The following AQP9 variants were observed in gnomAD, a reference collection of about 807,000 sequenced individuals.
AQP9 encodes the protein aquaporin 9.
In AQP9, 19 loss-of-function variants were observed where a neutral mutation model predicts 23.8. The ratio of observed to expected loss-of-function variants is 0.80; its 90% confidence interval spans 0.56 to 1.17. AQP9 has a LOEUF of 1.17. Ranked by LOEUF, AQP9 falls within the 50% of genes most tolerant of loss-of-function variation. AQP9 has a pLI of 0.00. For synonymous variants in AQP9, 153 were observed against 131.5 expected (o/e 1.16, Z -1.12); for missense variants, 413 against 362.0 (o/e 1.14, Z -1.14).
chr15:58,179,780 G>C (rs16939881), intron 5 of AQP9, among the ~76,000 whole-genome samples: 3,783 of 152,192 alleles, frequency 0.025, 267 homozygotes, highest in Admixed American at 0.15. Flanking sequence ...ACAGATATTT[G>C]TTGGGCATTA....
At chr15:58,183,103 A>G (rs1296505713) in intron 5 of AQP9, among the ~76,000 whole-genome samples, 2 of 152,222 alleles carry the variant, frequency 1.3e-5, no homozygotes, top group African/African-American at 2.4e-5. Flanking sequence ...AAATTCTTAC[A>G]TGCCTCTGGG....
rs1239266549 is a variant in AQP9, at chr15:58,173,224, T to C, written c.376+19T>C. On this transcript the variant is annotated intron_variant, in intron 3 of 5. Transcript: ENST00000219919. ...TACTATGGTGAGTAAAGTCCCTGAG[T>C]CCTAAGGTTAGGAAGAGCTGGGCAT... is the stretch of plus-strand genomic sequence containing the variant. 9.3e-6 allele frequency: 15 copies of C among 1,613,614 alleles called. No homozygotes were observed. Among genetic ancestry groups the C allele is most frequent in the Non-Finnish European group, 1.0e-5 (12 of 1,179,858 alleles).
chr15:58,183,932 T>G, intron 5 of AQP9, 29 bp from the exon 6 acceptor site: 1 of 1,611,542 alleles, frequency 6.2e-7, no homozygotes, highest in Non-Finnish European at 8.5e-7. Flanking sequence ...GGCCAAGAAA[T>G]GTATCACTAA....
chr15:58,177,218 C>T (rs962734314), intron 4 of AQP9, among the ~76,000 whole-genome samples: 9 of 152,132 alleles, frequency 5.9e-5, no homozygotes, highest in African/African-American at 2.2e-4. Context: ...AAGCATATTC[C>T]TTGGTTTAGT....
chr15:58,175,760 T>A (rs372813917), intron 4 of AQP9, among the ~76,000 whole-genome samples: 5 of 152,308 alleles, frequency 3.3e-5, no homozygotes, highest in African/African-American at 7.2e-5. Context: ...AGAATGGGCA[T>A]GTGTATAAAA....
intron 1 of AQP9, among the ~76,000 whole-genome samples, chr15:58,161,749 T>C (rs1164039725): frequency 1.3e-5 from 2 of 152,226 alleles, no homozygotes; most frequent in African/African-American, 4.8e-5. Context: ...CCTTATTATT[T>C]CTCTTTGTTG....
At position 58,164,327 on chromosome 15, in the gene AQP9, C is replaced by T. The variant is rs139447017; in HGVS notation, c.112-2346C>T. The stretch of plus-strand genomic sequence containing the variant: ...AGCATTAATAGCTCAGGACTGGCCT[C>T]TCTCTTTTGCGTCTCTTCTTAGCCC... On this transcript the variant is annotated intron_variant, in intron 1 of 5. Transcript: ENST00000219919. Among the ~76,000 whole-genome samples, 7 of 152,296 alleles carry T rather than the reference C, an allele frequency of 4.6e-5. No individual in the cohort carries two copies. The East Asian group carries it at 1.4e-3, about 29-fold the overall frequency.
intron 3 of AQP9, among the ~76,000 whole-genome samples, chr15:58,174,640 C>CA (rs1416362373): frequency 1.2e-4 from 19 of 152,210 alleles, no homozygotes; most frequent in African/African-American, 4.6e-4. Flanking sequence ...AGAATTCCCC[C>CA]AAAAGAGAAC....
intron 1 of AQP9, among the ~76,000 whole-genome samples, chr15:58,147,891 C>T (rs1435685912): frequency 1.2e-5 from 1 of 82,154 alleles, no homozygotes; most frequent in African/African-American, 4.7e-5. Context: ...TAAACACATG[C>T]ACACACACAC....
chr15:58,182,910 T>C (rs1415255390), intron 5 of AQP9, among the ~76,000 whole-genome samples: 1 of 152,156 alleles, frequency 6.6e-6, no homozygotes, highest in Non-Finnish European at 1.5e-5. Flanking sequence ...TAGATAATCT[T>C]GAGATTAGAC....
chr15:58,166,784 G>T lies in AQP9; in HGVS notation c.223G>T (p.Ala75Ser). 3.1e-6 allele frequency: 5 copies of T among 1,613,890 alleles called. No homozygotes were observed. The highest frequency in any genetic ancestry group is 3.3e-5 in the Admixed American group (2 of 59,994). ...GGCAGTTGCAATGGCCATTTATGTG[G>T]CTGGCGGTGTCTCTGGTAAGCAGTA... ...SMAVAMAIYVAGGVSGGHINP... is the reference protein window; with the variant it reads ...SMAVAMAIYVSGGVSGGHINP... The change falls in exon 2 of 6, where the codon GCT (alanine) becomes TCT (serine). Residue 75 changes from alanine (A) to serine (S), a missense_variant. By Grantham distance (99) the Ala-to-Ser change is moderately conservative (BLOSUM62 1). Transcript: ENST00000219919.
chr15:58,153,387 C>T (rs759008028), intron 1 of AQP9: 2 of 152,064 alleles, frequency 1.3e-5, no homozygotes, highest in Non-Finnish European at 2.9e-5. Flanking sequence ...CTGCTTCTAC[C>T]CTTTAATAGA....
intron 5 of AQP9, among the ~76,000 whole-genome samples, chr15:58,181,784 A>T (rs144433185): frequency 6.6e-6 from 1 of 152,152 alleles, no homozygotes. Context: ...ATCCTATAAG[A>T]CTGATTGAAA....
intron 2 of AQP9, among the ~76,000 whole-genome samples, chr15:58,172,285 T>C (rs1898641795): frequency 6.6e-6 from 1 of 152,250 alleles, no homozygotes; most frequent in African/African-American, 2.4e-5. Context: ...ATCCACCTAC[T>C]AACCCTACAA....
intron 4 of AQP9, 21 bp from the exon 5 acceptor site, chr15:58,179,107 G>A (rs113876659): frequency 3.5e-5 from 54 of 1,559,410 alleles, no homozygotes; most frequent in Non-Finnish European, 4.7e-5. Context: ...TAAAGCCCTG[G>A]CTCAACTTCT....
intron 1 of AQP9, chr15:58,156,078 A>G (rs1268733503): frequency 6.6e-6 from 1 of 152,184 alleles, no homozygotes; most frequent in African/African-American, 2.4e-5. Flanking sequence ...CCCTTGTAGT[A>G]TAACTCAATG....
intron 5 of AQP9, among the ~76,000 whole-genome samples, chr15:58,180,289 G>C (rs575464269): frequency 2.0e-5 from 3 of 152,312 alleles, no homozygotes; most frequent in African/African-American, 7.2e-5. Flanking sequence ...AATGTTTCCT[G>C]TGAGAACAAA....
At position 58,174,925 on chromosome 15, in the gene AQP9, T is replaced by G. The variant is rs1365854827; in HGVS notation, c.384T>G (p.Leu128=). 6.2e-7 allele frequency: 1 copy of G among 1,613,872 alleles called. No homozygotes were observed. Among genetic ancestry groups the G allele is most frequent in the African/African-American group, 1.3e-5 (1 of 74,932 alleles). ...ATVFGIYYDG[L]MSFAGGKLLI... ...GAGCTTTCTCTTTCATAGATGGACT[T>G]ATGTCCTTTGCTGGTGGAAAACTGC... The change falls in exon 4 of 6, where the codon CTT becomes CTG. Residue 128 remains leucine, a synonymous_variant. Transcript: ENST00000219919.
intron 1 of AQP9, among the ~76,000 whole-genome samples, chr15:58,147,129 A>G (rs1480000859): frequency 6.6e-6 from 1 of 152,190 alleles, no homozygotes; most frequent in African/African-American, 2.4e-5. Flanking sequence ...GATTCTGCCA[A>G]ACAGGATTCT....
Sources: gnomAD v4.1 joint callset for allele counts (sites outside exome capture counted in the v4.1 genomes callset) on GRCh38, gnomAD v4.1.1 for gene constraint, MANE v1.5 for transcripts, NCBI Gene and HGNC (gene_info 2026-07-23, HGNC 2026-07-21) for gene names.